Variants in ZNF263 observed in about 807,000 individuals in gnomAD.
ZNF263 encodes zinc finger protein 263.
Under a neutral mutation model 63.1 loss-of-function variants are expected in ZNF263, and 49 were observed. That is an observed-to-expected ratio of 0.78 (90% confidence interval 0.62 to 0.99). The LOEUF (loss-of-function observed/expected upper bound fraction) is 0.99, where lower values mean the gene tolerates loss of function less well. Among genes scored for constraint, ZNF263 ranks in the 50% least tolerant of loss-of-function variants. The probability of loss-of-function intolerance (pLI) is 0.00; values close to 1 mark genes in which losing one functional copy is unlikely to be tolerated. For missense variants in ZNF263, 872 were observed against 854.8 expected (o/e 1.02, Z -0.25); for synonymous variants, 352 against 324.2 (o/e 1.09, Z -0.92).
intron 1 of ZNF263, among the ~76,000 whole-genome samples, chr16:3,297,422 C>T (rs1015210057): frequency 4.0e-5 from 6 of 150,660 alleles, no homozygotes; most frequent in South Asian, 2.1e-4. Context: ...TAGTATTCAC[C>T]AGTGTAACAG....
chr16:3,288,707 G>A, intron 5 of ZNF263, 137 bp downstream of exon 5: 1 of 551,072 alleles, frequency 1.8e-6, no homozygotes, highest in South Asian at 2.1e-5. Context: ...GTGCAACAGT[G>A]CGATCTCGGC....
downstream of ZNF263, among the ~76,000 whole-genome samples, chr16:3,294,939 C>T (rs1959705431): frequency 6.6e-6 from 1 of 152,154 alleles, no homozygotes; most frequent in Non-Finnish European, 1.5e-5. Context: ...GAATTGCTTG[C>T]CCTCCATTCC....
chr16:3,298,772 A>G (rs1959839055), intron 1 of ZNF263: 3 of 368,822 alleles, frequency 8.1e-6, no homozygotes, highest in Non-Finnish European at 1.4e-5. Flanking sequence ...CTTGTGTAAA[A>G]TTTAAAAAAA....
chr16:3,284,928 A>G (rs1959284650), intron 1 of ZNF263, 131 bp from the exon 2 acceptor site: 2 of 1,176,264 alleles, frequency 1.7e-6, no homozygotes, highest in Non-Finnish European at 2.4e-6. Flanking sequence ...AGTGTAAACC[A>G]TTTTTCTGTT....
At chr16:3,300,337 G>C in intron 2 of ZNF263, 1 of 1,614,224 alleles carries the variant, frequency 6.2e-7, no homozygotes, top group Non-Finnish European at 8.5e-7. Context: ...AACACCGGCT[G>C]AGCGTTTCTG....
rs767915747 is a variant in ZNF263, at chr16:3,289,721, G to A, written c.1215G>A (p.Leu405=). 10 of 1,614,130 alleles carry A rather than the reference G, an allele frequency of 6.2e-6. No homozygotes were observed. The highest frequency in any genetic ancestry group is 1.7e-5 in the Admixed American group (1 of 60,026). The part of the protein sequence containing the change: ...RHQRIHAAER[L]CMGVDCTEIF... ...AGAGAATACATGCAGCTGAAAGACT[G>A]TGTATGGGTGTGGACTGCACTGAAA... Residue 405 remains leucine, a synonymous_variant, in exon 6 of 6, where the codon CTG becomes CTA. Transcript: ENST00000219069.
intron 4 of ZNF263, among the ~76,000 whole-genome samples, chr16:3,288,175 C>G (rs2150773210): frequency 6.6e-6 from 1 of 151,690 alleles, no homozygotes; most frequent in South Asian, 2.1e-4. Context: ...TCGCTTGAAC[C>G]TAGGAGGCAG....
rs752870884 is a variant in ZNF263 at position 3,290,409 on chromosome 16, G to A, written c.1903G>A (p.Glu635Lys). ...HTGEKPYTCH[E>K]CGDSFSHSSN... ...AGGAGAAAAACCCTATACCTGTCAT[G>A]AGTGCGGAGACAGCTTCTCTCACAG... Residue 635 changes from glutamate (E) to lysine (K), a missense_variant, in exon 6 of 6, where the codon GAG becomes AAG. By Grantham distance (56) the Glu-to-Lys change is moderately conservative (BLOSUM62 1). Transcript: ENST00000219069. 1.2e-6 allele frequency: 2 copies of A among 1,614,156 alleles called. No individual in the cohort carries two copies. Among genetic ancestry groups the A allele is most frequent in the South Asian group, 2.2e-5 (2 of 91,076 alleles).
At position 3,289,467 on chromosome 16, in the gene ZNF263, C is replaced by T. The variant is rs1218606859; in HGVS notation, c.961C>T (p.Pro321Ser). ...SENIHPQVLL[P>S]DQARGEVPWS... ...GAACATCCACCCTCAGGTGCTGCTT[C>T]CTGACCAGGCCCGAGGGGAGGTGCC... The change falls in exon 6 of 6, where the codon CCT becomes TCT. Residue 321 changes from proline to serine, a missense_variant. Pro to Ser is a moderately conservative substitution (Grantham distance 74, BLOSUM62 -1). Coordinates refer to ENST00000219069, the MANE Select transcript of ZNF263 (RefSeq NM_005741.5). The T allele has an allele frequency of 6.5e-7, 1 of 1,535,946 alleles. No homozygotes were observed. Among genetic ancestry groups the T allele is most frequent in the East Asian group, 2.3e-5 (1 of 44,350 alleles).
At chr16:3,295,120 C>T (rs1431148517), downstream of ZNF263, among the ~76,000 whole-genome samples, 2 of 152,202 alleles carry the variant, frequency 1.3e-5, no homozygotes, top group Non-Finnish European at 2.9e-5. Context: ...ACCAGAGACT[C>T]CCTTTTCAGG....
chr16:3,285,260 C>G (rs1331391203), intron 2 of ZNF263, 21 bp downstream of exon 2: 1 of 1,598,286 alleles, frequency 6.3e-7, no homozygotes, highest in Non-Finnish European at 8.5e-7. Flanking sequence ...GTTATCTGGG[C>G]AGGTGGGAGG....
At position 3,290,052 on chromosome 16, in the gene ZNF263, CG is replaced by C. The variant is rs773302323; in HGVS notation, c.1547del (p.Arg516HisfsTer40). On this transcript the variant is annotated frameshift_variant, in exon 6 of 6. Coordinates refer to ENST00000219069, the MANE Select transcript of ZNF263 (RefSeq NM_005741.5). LOFTEE classifies it high-confidence loss of function. ...GCACCAGAGAATTCACACTGGAGAG[CG>C]ACCTTATAAGTGTCCCGAGTGTGGG... ...LRHQRIHTGE[R>X]PYKCPECGKS... 6.2e-7 allele frequency: 1 copy of C among 1,613,820 alleles called. No individual in the cohort carries two copies. Among genetic ancestry groups the C allele is most frequent in the Non-Finnish European group, 8.5e-7 (1 of 1,179,930 alleles).
intron 4 of ZNF263, among the ~76,000 whole-genome samples, chr16:3,287,634 T>C (rs1959427751): frequency 6.6e-6 from 1 of 152,060 alleles, no homozygotes; most frequent in Non-Finnish European, 1.5e-5. Context: ...TAAACTTCTG[T>C]TGGAGTCCAT....
chr16:3,289,112 C>T (rs1596372108), intron 5 of ZNF263, among the ~76,000 whole-genome samples: 1 of 152,188 alleles, frequency 6.6e-6, no homozygotes, highest in South Asian at 2.1e-4. Context: ...CCACCCTACT[C>T]TCAGCCCTGC....
intron 1 of ZNF263, 65 bp downstream of exon 1, chr16:3,284,270 C>G: frequency 1.4e-6 from 2 of 1,446,016 alleles, no homozygotes; most frequent in Non-Finnish European, 1.8e-6. Flanking sequence ...GACATTGCGC[C>G]CCCGGTCGAA....
chr16:3,299,241 T>G, intron 2 of ZNF263: 1 of 1,611,482 alleles, frequency 6.2e-7, no homozygotes, highest in Non-Finnish European at 8.5e-7. Flanking sequence ...CAACTTCCTT[T>G]GTTATTCCAC....
In ZNF263 at chr16:3,289,435, G is replaced by C. The variant is rs220379; in HGVS notation, c.929G>C (p.Cys310Ser). 377,976 of 1,523,816 alleles carry C rather than the reference G, an allele frequency of 0.25. 51,989 individuals carry two copies. The highest frequency in any genetic ancestry group is 0.52 in the African/African-American group (37,061 of 71,732). The allele number at this position is 1,523,816 out of a possible 1,614,324, so 94.4% of individuals were successfully genotyped here. Residue 310 changes from cysteine (C) to serine (S), a missense_variant, in exon 6 of 6, where the codon TGC becomes TCC. Physicochemically the swap from Cys to Ser is moderately radical, Grantham distance 112. Coordinates refer to ENST00000219069, the MANE Select transcript of ZNF263 (RefSeq NM_005741.5). ...FENLEGVPSV[C>S]SENIHPQVLL... ...AACCTGGAAGGTGTTCCGTCTGTAT[G>C]CTCTGAGAACATCCACCCTCAGGTG...
chr16:3,299,823 T>C (rs756445275), intron 2 of ZNF263: 7 of 1,590,034 alleles, frequency 4.4e-6, no homozygotes, highest in African/African-American at 1.4e-5. Flanking sequence ...GAAAAAACCA[T>C]TCTGAAAACA....
downstream of ZNF263, among the ~76,000 whole-genome samples, chr16:3,295,600 G>A (rs1959722554): frequency 7.0e-6 from 1 of 142,274 alleles, no homozygotes; most frequent in Admixed American, 7.0e-5. Context: ...GGAAAGCGCG[G>A]GGCCGCCCTA....
Sources: allele counts gnomAD v4.1 joint callset (sites outside exome capture counted in the v4.1 genomes callset), GRCh38; gene constraint gnomAD v4.1.1; transcripts MANE v1.5; gene names NCBI Gene and HGNC (gene_info 2026-07-23, HGNC 2026-07-21).